MATN2: variants seen among roughly 807,000 people sequenced by gnomAD.
MATN2 encodes the protein matrilin 2.
In MATN2, 69 loss-of-function variants were observed where a neutral mutation model predicts 103.2. The observed-to-expected ratio is 0.67, with a 90% CI of 0.55 to 0.82. The LOEUF is 0.82. Ranked by LOEUF, MATN2 falls within the 40% of genes least tolerant of loss-of-function variation. The pLI is 0.00. For missense variants in MATN2, 1,023 were observed against 1,211.5 expected (o/e 0.84, Z 2.31); for synonymous variants, 429 against 450.2 (o/e 0.95, Z 0.60).
At position 98,032,421 on chromosome 8, in the gene MATN2, T is replaced by C. The variant is rs988524590; in HGVS notation, c.2581+104T>C. The stretch of plus-strand genomic sequence containing the variant: ...AGTGAATGTAAGTATGTTCAAATTA[T>C]GATAATGAAGGCCTTTTTTCCCTCA... On this transcript the variant is annotated intron_variant, in intron 16 of 18. Coordinates refer to ENST00000254898, the MANE Select transcript of MATN2 (RefSeq NM_002380.5). 3.5e-6 allele frequency: 3 copies of C among 868,948 alleles called. No individual in the cohort carries two copies. In the Admixed American group the frequency reaches 7.8e-5, roughly 23 times the overall value. The allele number at this position is 868,948 out of a possible 1,614,324, so 53.8% of individuals were successfully genotyped here. A position where few individuals can be genotyped will look rare whatever the true frequency, so the allele number is the denominator to read the frequency against.
intron 2 of MATN2, among the ~76,000 whole-genome samples, chr8:97,896,589 C>T (rs1223972670): frequency 5.6e-5 from 8 of 143,966 alleles, no homozygotes; most frequent in African/African-American, 2.1e-4. Flanking sequence ...CAAGGTTAGG[C>T]AGTGGGATCA....
chr8:97,985,929 A>G (rs776283369), intron 6 of MATN2, among the ~76,000 whole-genome samples: 9 of 152,206 alleles, frequency 5.9e-5, no homozygotes, highest in South Asian at 2.1e-4. Flanking sequence ...ATGTATGTGT[A>G]TGGATTTATT....
intron 5 of MATN2, 71 bp downstream of exon 5, chr8:97,961,601 C>G: frequency 7.0e-7 from 1 of 1,431,136 alleles, no homozygotes; most frequent in Non-Finnish European, 9.3e-7. Context: ...GGGAGACTCA[C>G]GTGTACCTCC....
intron 16 of MATN2, 85 bp downstream of exon 16, chr8:98,032,402 TGTAAG>T: frequency 1.0e-6 from 1 of 997,838 alleles, no homozygotes; most frequent in Admixed American, 2.3e-5. Context: ...AAGAAGTGAA[TGTAAG>T]TATGTTCAAA....
At chr8:97,936,273 T>C (rs1810366075) in intron 3 of MATN2, among the ~76,000 whole-genome samples, 1 of 152,226 alleles carries the variant, frequency 6.6e-6, no homozygotes, top group Non-Finnish European at 1.5e-5. Context: ...AGATTGCTTT[T>C]AATTAACCTC....
chr8:97,995,488 T>C lies in MATN2; in HGVS notation c.1204+886T>C, dbSNP rs1037951105. 3.9e-5 allele frequency among the ~76,000 whole-genome samples: 6 copies of C among 152,242 alleles called. No homozygotes were observed. In the South Asian group the frequency reaches 6.2e-4, roughly 16 times the overall value. The stretch of plus-strand genomic sequence containing the variant: ...TCTTTCCCTAGTTAGTCCACACTTA[T>C]GCACACTGAATTGTTTGGGGTCTGC... On this transcript the variant is annotated intron_variant, in intron 7 of 18. Transcript: ENST00000254898.
At chr8:98,003,984 G>A (rs1425114537) in intron 8 of MATN2, 9 of 590,772 alleles carry the variant, frequency 1.5e-5, no homozygotes, top group Non-Finnish European at 2.3e-5. Context: ...GGGTTGCAAG[G>A]ATTAAAAGAA....
chr8:97,907,694 TG>T (rs1819225548), intron 2 of MATN2, among the ~76,000 whole-genome samples: 1 of 152,154 alleles, frequency 6.6e-6, no homozygotes, highest in Non-Finnish European at 1.5e-5. Flanking sequence ...TTAACCACCC[TG>T]AAGTTCAGTT....
chr8:97,884,749 C>G (rs924120178), intron 1 of MATN2, among the ~76,000 whole-genome samples: 1 of 152,012 alleles, frequency 6.6e-6, no homozygotes, highest in Non-Finnish European at 1.5e-5. Flanking sequence ...CCTGCCTGGG[C>G]GACAGCGAGA....
At chr8:97,872,910 C>G (rs190867524) in intron 1 of MATN2, among the ~76,000 whole-genome samples, 2 of 152,078 alleles carry the variant, frequency 1.3e-5, no homozygotes, top group Admixed American at 1.3e-4. Context: ...TCTCCTGCTT[C>G]AGCCTCCCAA....
chr8:97,911,541 T>C (rs968782023), intron 2 of MATN2, among the ~76,000 whole-genome samples: 6 of 151,738 alleles, frequency 4.0e-5, no homozygotes, highest in African/African-American at 1.5e-4. Context: ...GCCCCGTCTC[T>C]ACTAAAAATG....
At chr8:97,974,624 T>G (rs1811772689) in intron 5 of MATN2, among the ~76,000 whole-genome samples, 1 of 151,852 alleles carries the variant, frequency 6.6e-6, no homozygotes, top group African/African-American at 2.4e-5. Context: ...TTTTTATATT[T>G]TTAGTACAGA....
At chr8:97,997,900 A>G (rs563489470) in intron 7 of MATN2, among the ~76,000 whole-genome samples, 1 of 150,682 alleles carries the variant, frequency 6.6e-6, no homozygotes, top group East Asian at 2.0e-4. Context: ...GCTCACTACA[A>G]CCTCTGTCTC....
intron 8 of MATN2, among the ~76,000 whole-genome samples, chr8:98,006,493 C>T (rs756047244): frequency 9.9e-5 from 15 of 152,168 alleles, no homozygotes; most frequent in Non-Finnish European, 2.1e-4. Flanking sequence ...GCAAAGAGGC[C>T]GTGGGACTGC....
In MATN2 at chr8:98,005,647, T is replaced by C. The variant is rs1388685409; in HGVS notation, c.1328-1458T>C. 6.6e-6 allele frequency among the ~76,000 whole-genome samples: 1 copy of C among 152,186 alleles called. No individual in the cohort carries two copies. Among genetic ancestry groups the C allele is most frequent in the East Asian group, 1.9e-4 (1 of 5,194 alleles). On this transcript the variant is annotated intron_variant, in intron 8 of 18. Transcript: ENST00000254898. The surrounding 1 kb of genome is among the most constrained non-coding windows in gnomAD (Gnocchi z 4.6). ...CTTAGAGAAAGCCACAGGCTTCTGC[T>C]TTCTCAGAGGAATCAGGGAGCCCAG...
chr8:97,982,745 G>A lies in MATN2; in HGVS notation c.1081+3737G>A, dbSNP rs1037254800. 2.6e-5 allele frequency among the ~76,000 whole-genome samples: 4 copies of A among 152,084 alleles called. No individual in the cohort carries two copies. The highest frequency in any genetic ancestry group is 4.8e-5 in the African/African-American group (2 of 41,394). On this transcript the variant is annotated intron_variant, in intron 6 of 18. Coordinates refer to ENST00000254898, the MANE Select transcript of MATN2 (RefSeq NM_002380.5). The surrounding 1 kb of genome is among the most constrained non-coding windows in gnomAD (Gnocchi z 4.3). ...TAGAGCAGCCCATCCAAATCTAGACGGGAGAAAGGTGGAAACACACAGGTA... is the reference window on the plus strand; with the variant it reads ...TAGAGCAGCCCATCCAAATCTAGACAGGAGAAAGGTGGAAACACACAGGTA...
At chr8:98,024,592 G>T (rs1813721874) in intron 13 of MATN2, among the ~76,000 whole-genome samples, 1 of 152,218 alleles carries the variant, frequency 6.6e-6, no homozygotes, top group Non-Finnish European at 1.5e-5. Context: ...GGGCTTTCGT[G>T]GTAAGGTGAC....
intron 4 of MATN2, among the ~76,000 whole-genome samples, chr8:97,949,437 GTGC>G (rs1810870465): frequency 1.3e-5 from 2 of 152,008 alleles, no homozygotes; most frequent in South Asian, 4.1e-4. Context: ...GCCTCCCAAA[GTGC>G]TGGGATTACA....
At chr8:98,009,685 C>T (rs1352737277) in intron 10 of MATN2, among the ~76,000 whole-genome samples, 2 of 152,180 alleles carry the variant, frequency 1.3e-5, no homozygotes, top group Admixed American at 6.5e-5. Context: ...CAGATTTTCC[C>T]CAGAGGCCTT....
Sources: gnomAD v4.1 joint callset for allele counts (sites outside exome capture counted in the v4.1 genomes callset) on GRCh38, gnomAD v4.1.1 for gene constraint, Gnocchi (gnomAD v3.1) non-coding constraint, MANE v1.5 for transcripts, NCBI Gene and HGNC (gene_info 2026-07-23, HGNC 2026-07-21) for gene names.